ZPBP: variants seen among roughly 807,000 people sequenced by gnomAD.
The protein encoded by ZPBP is zona pellucida binding protein.
A neutral mutation model predicts 44.8 loss-of-function variants in ZPBP; 26 were observed. The ratio of observed to expected loss-of-function variants is 0.58; its 90% confidence interval spans 0.43 to 0.81. ZPBP has a LOEUF of 0.81. Ranked by LOEUF, ZPBP falls within the 30% of genes least tolerant of loss-of-function variation. The probability of loss-of-function intolerance (pLI) is 0.00; values close to 1 mark genes in which losing one functional copy is unlikely to be tolerated. For synonymous variants in ZPBP, 174 were observed against 153.2 expected (o/e 1.14, Z -1.00); for missense variants, 409 against 434.0 (o/e 0.94, Z 0.51).
chr7:49,876,035 C>T (rs1791401327), intron 2 of ZPBP, among the ~76,000 whole-genome samples: 1 of 152,128 alleles, frequency 6.6e-6, no homozygotes, highest in Admixed American at 6.6e-5. Context: ...TCAAAAATCA[C>T]TTGACCTGTG....
chr7:49,974,701 A>G (rs1294103121), intron 7 of ZPBP, among the ~76,000 whole-genome samples: 1 of 152,116 alleles, frequency 6.6e-6, no homozygotes, highest in African/African-American at 2.4e-5. Flanking sequence ...AGGAATTATC[A>G]CTGGATGCTA....
rs538746636 is a variant in ZPBP at position 50,092,882 on chromosome 7, C to T, written c.127+186G>A. 2.1e-5 allele frequency: 18 copies of T among 853,084 alleles called. No individual in the cohort carries two copies. The African/African-American group carries it at 3.1e-4, about 15-fold the overall frequency. 52.8% of individuals were successfully genotyped at this position (853,084 alleles called of 1,614,324 possible). A position where few individuals can be genotyped will look rare whatever the true frequency, so the allele number is the denominator to read the frequency against. On this transcript the variant is annotated intron_variant, in intron 1 of 7. Coordinates refer to ENST00000046087, the MANE Select transcript of ZPBP (RefSeq NM_007009.3). Reference sequence around the variant, plus strand: ...CTATACCTTAATTTCCTGTCATTCACTCCTCTATGCAAATGCAGAGTGACT... The same window carrying T: ...CTATACCTTAATTTCCTGTCATTCATTCCTCTATGCAAATGCAGAGTGACT...
At chr7:50,071,307 C>A (rs1801820609) in intron 3 of ZPBP, among the ~76,000 whole-genome samples, 1 of 152,138 alleles carries the variant, frequency 6.6e-6, no homozygotes, top group Admixed American at 6.5e-5. Flanking sequence ...ATGGAGTGAG[C>A]ATTTAAACCA....
chr7:49,849,031 G>C (rs944069693), downstream of ZPBP, among the ~76,000 whole-genome samples: 1 of 152,098 alleles, frequency 6.6e-6, no homozygotes, highest in Non-Finnish European at 1.5e-5. Context: ...TTTCTCTTTA[G>C]GTCCTGCTTG....
At chr7:49,918,366 C>T (rs1369685876) in intron 1 of ZPBP, 15 of 152,072 alleles carry the variant, frequency 9.9e-5, no homozygotes, top group Admixed American at 9.8e-4. Context: ...GGTCTTTTAC[C>T]CCACTCCCCA....
intron 2 of ZPBP, among the ~76,000 whole-genome samples, chr7:49,875,292 C>A (rs1213254615): frequency 7.9e-6 from 1 of 126,494 alleles, no homozygotes; most frequent in African/African-American, 3.0e-5. Context: ...ATCGCCTGAA[C>A]CCAGGAGATG....
Position 49,996,843 on chromosome 7 carries a change from C to T in ZPBP, c.784-13324G>A, listed in dbSNP as rs146052834. Among the ~76,000 whole-genome samples the T allele has an allele frequency of 8.7e-4, 133 of 152,314 alleles. No individual in the cohort carries two copies. In the East Asian group the frequency reaches 0.021, roughly 24 times the overall value. On this transcript the variant is annotated intron_variant, in intron 6 of 7. Coordinates refer to ENST00000046087, the MANE Select transcript of ZPBP (RefSeq NM_007009.3). ...ATACGTCTGCATATGTCAGACTATG[C>T]TGATGGCTGCCTTGACTCTGCTGTC...
At chr7:49,946,770 C>A (rs1180712183) in intron 7 of ZPBP, among the ~76,000 whole-genome samples, 1 of 152,024 alleles carries the variant, frequency 6.6e-6, no homozygotes. Flanking sequence ...TGTTACCATC[C>A]CTTTGAATAA....
Position 50,031,284 on chromosome 7 carries a change from GATA to G in ZPBP, c.511_513del (p.Tyr171del). On this transcript the variant is annotated inframe_deletion, in exon 5 of 8. Coordinates refer to ENST00000046087, the MANE Select transcript of ZPBP (RefSeq NM_007009.3). The stretch of plus-strand genomic sequence containing the variant: ...GCTGCATGATATCGAGCTGTGAACT[GATA>G]ATAATAATGAGGCTCACGATAAGCT... The G allele has an allele frequency of 1.2e-6, 2 of 1,610,264 alleles. No homozygotes were observed. The highest frequency in any genetic ancestry group is 8.5e-7 in the Non-Finnish European group (1 of 1,179,236).
At chr7:49,878,080 G>A (rs78781050) in intron 2 of ZPBP, among the ~76,000 whole-genome samples, 5,045 of 152,130 alleles carry the variant, frequency 0.033, 221 homozygotes, top group South Asian at 0.13. Flanking sequence ...GACCGCTCCA[G>A]CTGTTGCAGT....
At chr7:50,065,405 T>C (rs1196831518) in intron 3 of ZPBP, among the ~76,000 whole-genome samples, 1 of 150,654 alleles carries the variant, frequency 6.6e-6, no homozygotes, top group Non-Finnish European at 1.5e-5. Context: ...TAAGTAGGAG[T>C]CATTCTGGGC....
At chr7:49,868,955 T>G (rs1387023080) in intron 2 of ZPBP, among the ~76,000 whole-genome samples, 1 of 152,214 alleles carries the variant, frequency 6.6e-6, no homozygotes, top group Non-Finnish European at 1.5e-5. Flanking sequence ...GGAAAGAAGT[T>G]TTCTTGTGTC....
Position 50,081,858 on chromosome 7 carries a change from A to C in ZPBP, c.250T>G (p.Leu84Val). ...VMLHQKSPHVLCVTQQLRNAE... is the reference protein window; with the variant it reads ...VMLHQKSPHVVCVTQQLRNAE... Reference sequence around the variant, plus strand: ...TTTCGCAGTTGTTGCGTTACACATAACACGTGTGGACTCTTTTGATGGAGC... The same window carrying C: ...TTTCGCAGTTGTTGCGTTACACATACCACGTGTGGACTCTTTTGATGGAGC... Residue 84 changes from leucine (L) to valine (V), a missense_variant, in exon 3 of 8, where the codon TTA (leucine) becomes GTA (valine). By Grantham distance (32) the Leu-to-Val change is conservative. Coordinates refer to ENST00000046087, the MANE Select transcript of ZPBP (RefSeq NM_007009.3). 1 of 1,611,422 alleles carries C rather than the reference A, an allele frequency of 6.2e-7. No homozygotes were observed. The highest frequency in any genetic ancestry group is 8.5e-7 in the Non-Finnish European group (1 of 1,178,150).
At chr7:50,057,955 G>A in intron 4 of ZPBP, 34 bp downstream of exon 4, 2 of 1,578,546 alleles carry the variant, frequency 1.3e-6, no homozygotes, top group African/African-American at 1.3e-5. Flanking sequence ...AAATCATTAA[G>A]AAAGGTTAAA....
chr7:50,046,986 T>C (rs960613475), intron 4 of ZPBP, among the ~76,000 whole-genome samples: 2 of 152,178 alleles, frequency 1.3e-5, no homozygotes, highest in Non-Finnish European at 2.9e-5. Flanking sequence ...TGAGCTCATG[T>C]CCTTTGCAGG....
chr7:49,919,859 A>G (rs1793936493), intron 1 of ZPBP: 1 of 152,206 alleles, frequency 6.6e-6, no homozygotes, highest in Non-Finnish European at 1.5e-5. Context: ...CATCAGTGCA[A>G]TAAAGGAGCT....
chr7:50,004,282 G>A (rs192653792), intron 6 of ZPBP, among the ~76,000 whole-genome samples: 1 of 151,802 alleles, frequency 6.6e-6, no homozygotes, highest in Non-Finnish European at 1.5e-5. Flanking sequence ...CTTTCCTCCT[G>A]CCCTGGGATG....
intron 5 of ZPBP, among the ~76,000 whole-genome samples, chr7:50,029,857 T>C (rs560628871): frequency 1.3e-5 from 2 of 152,154 alleles, no homozygotes; most frequent in Admixed American, 1.3e-4. Context: ...GTTGTTGTTG[T>C]TGTTGTTGTT....
intron 2 of ZPBP, among the ~76,000 whole-genome samples, chr7:49,890,351 G>C (rs535778432): frequency 5.2e-4 from 79 of 152,272 alleles, no homozygotes; most frequent in Middle Eastern, 6.8e-3. Context: ...CCATCAGGAA[G>C]ACAAAAGAAC....
Sources: gnomAD v4.1 joint callset for allele counts (sites outside exome capture counted in the v4.1 genomes callset) on GRCh38, gnomAD v4.1.1 for gene constraint, MANE v1.5 for transcripts, NCBI Gene and HGNC (gene_info 2026-07-23, HGNC 2026-07-21) for gene names.